The following RORB variants were observed in gnomAD, a reference collection of about 807,000 sequenced individuals.
RORB encodes RAR related orphan receptor B.
A neutral mutation model predicts 59.1 loss-of-function variants in RORB; 6 were observed. The ratio of observed to expected loss-of-function variants is 0.10; its 90% CI spans 0.06 to 0.20. The LOEUF is 0.20. Among genes scored for constraint, RORB ranks in the 10% least tolerant of loss-of-function variants. The probability of loss-of-function intolerance (pLI) is 1.00; values close to 1 mark genes in which losing one functional copy is unlikely to be tolerated. For synonymous variants in RORB, 215 were observed against 204.5 expected (o/e 1.05, Z -0.44); for missense variants, 320 against 560.5 (o/e 0.57, Z 4.33).
chr9:74,536,511 C>A, intron 1 of RORB, among the ~76,000 whole-genome samples: 1 of 151,934 alleles, frequency 6.6e-6, no homozygotes, highest in East Asian at 1.9e-4. Flanking sequence ...AATGACAGAG[C>A]CATTAGTTCA....
intron 1 of RORB, among the ~76,000 whole-genome samples, chr9:74,551,946 G>A (rs1161782796): frequency 3.9e-5 from 6 of 152,158 alleles, no homozygotes; most frequent in Admixed American, 3.9e-4. Flanking sequence ...TCAGGGAAGA[G>A]CATAGTAAGA....
intron 1 of RORB, among the ~76,000 whole-genome samples, chr9:74,562,798 G>A (rs574598197): frequency 1.3e-5 from 2 of 152,252 alleles, no homozygotes; most frequent in African/African-American, 4.8e-5. Flanking sequence ...CAAACTTACA[G>A]AAAAGTTGCA....
chr9:74,674,064 C>A (rs1173849328), intron 9 of RORB, among the ~76,000 whole-genome samples: 1 of 152,186 alleles, frequency 6.6e-6, no homozygotes, highest in Non-Finnish European at 1.5e-5. Context: ...GGAATATGGA[C>A]TGAGCCCCGT....
chr9:74,620,795 C>A (rs1321668849), intron 1 of RORB, among the ~76,000 whole-genome samples: 2 of 152,110 alleles, frequency 1.3e-5, no homozygotes, highest in Non-Finnish European at 2.9e-5. Context: ...GCCTTCATTT[C>A]GTTATGTACC....
Position 74,634,776 on chromosome 9 carries a change from A to G in RORB, c.235+4A>G. On this transcript the variant is annotated splice_donor_region_variant and intron_variant, in intron 3 of 9. Transcript: ENST00000376896. ...GCCCTAGGAATGTCAAGAGATGGTA[A>G]GACATTACCTTCCTGTTTCTTACTT... is the stretch of plus-strand genomic sequence containing the variant. The G allele has an allele frequency of 6.2e-7, 1 of 1,609,444 alleles. No individual in the cohort carries two copies. Among genetic ancestry groups the G allele is most frequent in the Non-Finnish European group, 8.5e-7 (1 of 1,178,098 alleles).
intron 2 of RORB, among the ~76,000 whole-genome samples, chr9:74,631,309 C>A (rs1037254205): frequency 1.3e-5 from 2 of 152,152 alleles, no homozygotes; most frequent in Non-Finnish European, 2.9e-5. Context: ...GTAACCAGAA[C>A]AAATAAAATG....
chr9:74,634,932 T>C (rs139707684), intron 3 of RORB, among the ~76,000 whole-genome samples, 160 bp downstream of exon 3: 1 of 152,254 alleles, frequency 6.6e-6, no homozygotes, highest in East Asian at 1.9e-4. Flanking sequence ...AGTAAGAATA[T>C]ACAAAAATAG....
intron 1 of RORB, among the ~76,000 whole-genome samples, chr9:74,627,396 C>G (rs1346721246): frequency 1.3e-5 from 2 of 152,096 alleles, no homozygotes; most frequent in Non-Finnish European, 2.9e-5. Context: ...ACTTATTTCT[C>G]TTTAAAAATG....
At chr9:74,644,577 C>T (rs1185809037) in intron 4 of RORB, among the ~76,000 whole-genome samples, 1 of 152,156 alleles carries the variant, frequency 6.6e-6, no homozygotes, top group Non-Finnish European at 1.5e-5. Flanking sequence ...CTGCTACCTG[C>T]CATGGGTCTC....
At chr9:74,643,982 T>A (rs1381809793) in intron 4 of RORB, among the ~76,000 whole-genome samples, 1 of 152,244 alleles carries the variant, frequency 6.6e-6, no homozygotes, top group Non-Finnish European at 1.5e-5. Context: ...GTGTAAACCA[T>A]AGCAAGGTTT....
intron 1 of RORB, among the ~76,000 whole-genome samples, chr9:74,584,221 G>T (rs1426742968): frequency 6.6e-6 from 1 of 152,168 alleles, no homozygotes; most frequent in Non-Finnish European, 1.5e-5. Context: ...TGTGGGTTTT[G>T]TTGTAGCTTT....
chr9:74,552,559 A>T (rs906756715), intron 1 of RORB, among the ~76,000 whole-genome samples: 2 of 152,252 alleles, frequency 1.3e-5, no homozygotes, highest in East Asian at 3.9e-4. Flanking sequence ...TATGCACAAC[A>T]TAAGTGTTTA....
intron 1 of RORB, among the ~76,000 whole-genome samples, chr9:74,548,137 A>G (rs1826531675): frequency 6.6e-6 from 1 of 152,168 alleles, no homozygotes; most frequent in Non-Finnish European, 1.5e-5. Flanking sequence ...AAGAGCAGCC[A>G]GGTCATAACG....
intron 4 of RORB, among the ~76,000 whole-genome samples, chr9:74,656,078 T>C (rs181729934): frequency 7.2e-5 from 11 of 152,368 alleles, no homozygotes; most frequent in Non-Finnish European, 2.9e-5. Context: ...TTCTGAGTGC[T>C]TAGGCTTTAA....
chr9:74,586,692 C>T (rs879696779), intron 1 of RORB, among the ~76,000 whole-genome samples: 1 of 149,564 alleles, frequency 6.7e-6, no homozygotes, highest in Non-Finnish European at 1.5e-5. Context: ...TATGCTACTC[C>T]ACATGGACAA....
chr9:74,549,815 G>T (rs1009110523), intron 1 of RORB, among the ~76,000 whole-genome samples: 1 of 151,964 alleles, frequency 6.6e-6, no homozygotes, highest in African/African-American at 2.4e-5. Context: ...GCGACCCTCC[G>T]CCTCCCGGGT....
chr9:74,567,059 G>A (rs1224241952), intron 1 of RORB, among the ~76,000 whole-genome samples: 3 of 150,664 alleles, frequency 2.0e-5, no homozygotes, highest in Admixed American at 6.6e-5. Context: ...ACAGAGGCTC[G>A]CTCTGTCGCC....
At chr9:74,507,311 C>T (rs1278022581) in intron 1 of RORB, among the ~76,000 whole-genome samples, 2 of 151,966 alleles carry the variant, frequency 1.3e-5, no homozygotes, top group African/African-American at 2.4e-5. Flanking sequence ...TTGGTTTTTC[C>T]ATTAAAAAGC....
At chr9:74,675,908 G>A (rs1824431458) in intron 9 of RORB, among the ~76,000 whole-genome samples, 1 of 152,210 alleles carries the variant, frequency 6.6e-6, no homozygotes. Flanking sequence ...GAGGGTGAGA[G>A]ATAGGGCAGC....
Sources: allele counts gnomAD v4.1 joint callset (sites outside exome capture counted in the v4.1 genomes callset), GRCh38; gene constraint gnomAD v4.1.1; transcripts MANE v1.5; gene names NCBI Gene and HGNC (gene_info 2026-07-23, HGNC 2026-07-21).